ZMYM3: variants seen among roughly 807,000 people sequenced by gnomAD.
The protein encoded by ZMYM3 is zinc finger MYM-type containing 3, also known as zinc finger MYM-type protein 3.
A neutral mutation model predicts 94.2 loss-of-function variants in ZMYM3; 6 were observed. The observed-to-expected ratio is 0.06, with a 90% confidence interval of 0.03 to 0.13. The LOEUF (loss-of-function observed/expected upper bound fraction) is 0.13, where lower values mean the gene tolerates loss of function less well. ZMYM3 is among the 10% of genes least tolerant of loss of function. ZMYM3 has a pLI of 1.00. For missense variants in ZMYM3, 664 were observed against 1,132.6 expected, an observed-to-expected ratio of 0.59 and a Z score of 5.94; for synonymous variants, 420 against 426.5, an observed-to-expected ratio of 0.98 and a Z score of 0.19.
chrX:71,251,550 C>G lies in ZMYM3; in HGVS notation c.711+8G>C. 1 of 1,189,124 alleles carries G rather than the reference C, an allele frequency of 8.4e-7. No homozygotes were observed. The highest frequency in any genetic ancestry group is 1.1e-6 in the Non-Finnish European group (1 of 884,257). ...GAACCAGACTCCTTCCAATCCCCTCCCCCTCACCCGTTCAGGCGGCTTCTC... is the reference window on the plus strand; with the variant it reads ...GAACCAGACTCCTTCCAATCCCCTCGCCCTCACCCGTTCAGGCGGCTTCTC... On this transcript the variant is annotated splice_region_variant and intron_variant, in intron 3 of 24. Coordinates refer to ENST00000314425, the MANE Select transcript of ZMYM3 (RefSeq NM_201599.3).
At position 71,240,220 on chromosome X, in the gene ZMYM3, TC is replaced by T. The variant is rs1323728032; in HGVS notation, c.*695del. 2.7e-5 allele frequency: 3 copies of T among 111,091 alleles called. No individual in the cohort carries two copies. The highest frequency in any genetic ancestry group is 1.9e-5 in the Non-Finnish European group (1 of 52,846). 9.2% of individuals were successfully genotyped at this position (111,091 alleles called of 1,213,427 possible). Reference sequence around the variant, plus strand: ...AGGAGTCTGCACAACAGGAGTCTGCTCCCCGTACTTAGTCATTCTCTGCCTC... The same window carrying T: ...AGGAGTCTGCACAACAGGAGTCTGCTCCCGTACTTAGTCATTCTCTGCCTC... On this transcript the variant is annotated 3_prime_UTR_variant, in exon 25 of 25. Coordinates refer to ENST00000314425, the MANE Select transcript of ZMYM3 (RefSeq NM_201599.3).
intron 2 of ZMYM3, 23 bp from the exon 3 acceptor site, chrX:71,251,624 C>G (rs746869411): frequency 7.6e-6 from 9 of 1,176,612 alleles, no homozygotes; most frequent in Non-Finnish European, 9.1e-6. Context: ...CAGAAGGCAG[C>G]CTAAATGTTG....
intron 19 of ZMYM3, 134 bp downstream of exon 19, chrX:71,244,656 C>A: frequency 1.3e-6 from 1 of 789,463 alleles, no homozygotes; most frequent in Non-Finnish European, 1.8e-6. Flanking sequence ...CAAAGTTTGG[C>A]TTTATCTCAG....
chrX:71,248,271 G>A lies in ZMYM3; in HGVS notation c.1866C>T (p.Asp622=). 1 of 1,208,922 alleles carries A rather than the reference G, an allele frequency of 8.3e-7. No homozygotes were observed. Among genetic ancestry groups the A allele is most frequent in the African/African-American group, 1.7e-5 (1 of 57,923 alleles). The change falls in exon 11 of 25, where the codon GAC becomes GAT. Residue 622 remains aspartate, a synonymous_variant. Transcript: ENST00000314425. ...FQFCCRDCCE[D]FKRLRGVVSQ... is the part of the protein sequence containing the mutation. ...ACACCACACCCCGAAGCCGCTTGAA[G>A]TCCTCACAGCAATCACGGCAGCAGA...
rs754766736 is a variant in ZMYM3 at position 71,249,453 on chromosome X, G to A, written c.1470+8C>T. The A allele has an allele frequency of 9.3e-6, 11 of 1,178,203 alleles. No individual in the cohort carries two copies. Among genetic ancestry groups the A allele is most frequent in the South Asian group, 3.7e-5 (2 of 53,400 alleles). Reference sequence around the variant, plus strand: ...CAGCCCTCTAATGCACTACTCCCTCGGCCCCACCTTCTTGTACGCCCCCAA... The same window carrying A: ...CAGCCCTCTAATGCACTACTCCCTCAGCCCCACCTTCTTGTACGCCCCCAA... On this transcript the variant is annotated splice_region_variant and intron_variant, in intron 7 of 24. Coordinates refer to ENST00000314425, the MANE Select transcript of ZMYM3 (RefSeq NM_201599.3).
intron 13 of ZMYM3, 123 bp downstream of exon 13, chrX:71,247,222 A>G (rs2147979834): frequency 2.8e-5 from 18 of 639,032 alleles, no homozygotes; most frequent in Admixed American, 4.0e-5. Flanking sequence ...TACAGTTCAC[A>G]GTACTAGCAC....
At chrX:71,249,327 A>G in intron 7 of ZMYM3, 134 bp downstream of exon 7, 1 of 1,132,333 alleles carries the variant, frequency 8.8e-7, no homozygotes, top group Non-Finnish European at 1.2e-6. Flanking sequence ...AAAATAAAAC[A>G]TAACGGATAC....
intron 20 of ZMYM3, 47 bp downstream of exon 20, chrX:71,244,255 T>G: frequency 1.2e-6 from 1 of 843,506 alleles, no homozygotes; most frequent in Non-Finnish European, 1.7e-6. Context: ...TTTCCCCTCC[T>G]CCTCCCTGTC....
At chrX:71,247,984 T>C (rs2030260960) in intron 11 of ZMYM3, 78 bp from the exon 12 acceptor site, 11 of 1,101,323 alleles carry the variant, frequency 1.0e-5, no homozygotes, top group Non-Finnish European at 1.3e-5. Flanking sequence ...TTCAAGGTGC[T>C]ATACCTGAAA....
Position 71,253,278 on chromosome X carries a change from C to A in ZMYM3, c.-19-4G>T. 8.8e-7 allele frequency: 1 copy of A among 1,132,879 alleles called. No individual in the cohort carries two copies. The allele number at this position is 1,132,879 out of a possible 1,213,427, so 93.4% of individuals were successfully genotyped here. A position where few individuals can be genotyped will look rare whatever the true frequency, so the allele number is the denominator to read the frequency against. On this transcript the variant is annotated splice_polypyrimidine_tract_variant and splice_region_variant and intron_variant, in intron 1 of 24. Coordinates refer to ENST00000314425, the MANE Select transcript of ZMYM3 (RefSeq NM_201599.3). ...CATGAGTATGGCTGGATATGTACTGCAGATTAGGAGTAGAAGAGGGGGCAG... is the reference window on the plus strand; with the variant it reads ...CATGAGTATGGCTGGATATGTACTGAAGATTAGGAGTAGAAGAGGGGGCAG...
Position 71,245,977 on chromosome X carries a change from G to A in ZMYM3, c.2685+9C>T, listed in dbSNP as rs1202432957. ...GGAGGACCCAGCCAGGAAGGGCAGG[G>A]AAACTCACCGGGATAGGCATCGAGA... On this transcript the variant is annotated intron_variant, in intron 16 of 24. Transcript: ENST00000314425. The A allele has an allele frequency of 1.7e-6, 2 of 1,207,416 alleles. No homozygotes were observed. The highest frequency in any genetic ancestry group is 2.2e-5 in the Admixed American group (1 of 45,727).
chrX:71,251,852 T>C, intron 2 of ZMYM3: 3 of 753,460 alleles, frequency 4.0e-6, no homozygotes, highest in Non-Finnish European at 4.7e-6. Flanking sequence ...GTCCCAATCC[T>C]TGGGGGTTAA....
intron 10 of ZMYM3, 35 bp downstream of exon 10, chrX:71,248,403 G>A (rs375557199): frequency 4.5e-5 from 54 of 1,197,579 alleles, no homozygotes; most frequent in Non-Finnish European, 4.6e-5. Context: ...CAGTCTGGTC[G>A]TGTGGCAAGA....
At position 71,244,690 on chromosome X, in the gene ZMYM3, G is replaced by A. The variant is rs2030086246; in HGVS notation, c.3111+100C>T. The stretch of plus-strand genomic sequence containing the variant: ...AGTACTTCTAGTGTTGGAGAAAGGA[G>A]GTTAGGGAAGGTCAAACTATGGTTG... On this transcript the variant is annotated intron_variant, in intron 19 of 24. Coordinates refer to ENST00000314425, the MANE Select transcript of ZMYM3 (RefSeq NM_201599.3). 3.6e-5 allele frequency: 30 copies of A among 835,910 alleles called. 1 individual carries two copies. The South Asian group carries it at 6.9e-4, about 19-fold the overall frequency. The allele number at this position is 835,910 out of a possible 1,213,427, so 68.9% of individuals were successfully genotyped here.
At chrX:71,244,957 C>T in intron 18 of ZMYM3, 64 bp from the exon 19 acceptor site, 1 of 937,513 alleles carries the variant, frequency 1.1e-6, no homozygotes, top group South Asian at 2.2e-5. Context: ...GCCCTCCTGC[C>T]CCACCCCTGC....
Position 71,242,162 on chromosome X carries a change from C to T in ZMYM3, c.3802+8G>A. The stretch of plus-strand genomic sequence containing the variant: ...GGCAAAAGCACAGGGGAGGGGGCAG[C>T]CTCGTACCTCGCCCTTTCCTCTGGC... On this transcript the variant is annotated splice_region_variant and intron_variant, in intron 23 of 24. Transcript: ENST00000314425. 1 of 1,173,572 alleles carries T rather than the reference C, an allele frequency of 8.5e-7. No homozygotes were observed. Among genetic ancestry groups the T allele is most frequent in the South Asian group, 1.9e-5 (1 of 53,105 alleles).
chrX:71,245,908 C>T lies in ZMYM3; in HGVS notation c.2686-66G>A, dbSNP rs777700976. 1.2e-3 allele frequency: 1,434 copies of T among 1,187,795 alleles called. 3 individuals are homozygous for T. The highest frequency in any genetic ancestry group is 1.1e-3 in the Non-Finnish European group (977 of 880,852). ...AGCAGTTGGGGGGAAGTTGGGGGGACAGATGATGAGTGAAGGGGGACAGTT... is the reference window on the plus strand; with the variant it reads ...AGCAGTTGGGGGGAAGTTGGGGGGATAGATGATGAGTGAAGGGGGACAGTT... On this transcript the variant is annotated intron_variant, in intron 16 of 24. Transcript: ENST00000314425.
Position 71,249,828 on chromosome X carries a change from T to C in ZMYM3, c.1252-149A>G, listed in dbSNP as rs929402175. On this transcript the variant is annotated intron_variant, in intron 6 of 24. Transcript: ENST00000314425. ...CCTGCGCCGCAGGCTGCCGACTTGATGGTGAGGTCCTGGGAGGTAAGGAAG... is the reference window on the plus strand; with the variant it reads ...CCTGCGCCGCAGGCTGCCGACTTGACGGTGAGGTCCTGGGAGGTAAGGAAG... 52 of 1,075,766 alleles carry C rather than the reference T, an allele frequency of 4.8e-5. No individual in the cohort carries two copies. The East Asian group carries it at 1.3e-3, about 26-fold the overall frequency. 88.7% of individuals were successfully genotyped at this position (1,075,766 alleles called of 1,213,427 possible).
intron 16 of ZMYM3, 63 bp from the exon 17 acceptor site, chrX:71,245,905 G>A (rs2030148664): frequency 1.7e-6 from 2 of 1,188,195 alleles, no homozygotes; most frequent in East Asian, 3.0e-5. Context: ...GAAGTTGGGG[G>A]GACAGATGAT....
Sources: allele counts gnomAD v4.1 joint callset, GRCh38; gene constraint gnomAD v4.1.1; transcripts MANE v1.5; gene names NCBI Gene and HGNC (gene_info 2026-07-23, HGNC 2026-07-21).